Variants in CSMD1 observed in about 807,000 individuals in gnomAD.
CSMD1 encodes the protein CUB and sushi domain-containing protein 1.
Under a neutral mutation model 417.5 loss-of-function variants are expected in CSMD1, and 213 were observed. The ratio of observed to expected loss-of-function variants is 0.51; its 90% CI spans 0.46 to 0.57. CSMD1 has a LOEUF of 0.57. CSMD1 is among the 20% of genes least tolerant of loss of function. The probability of loss-of-function intolerance (pLI) is 0.00; values close to 1 mark genes in which losing one functional copy is unlikely to be tolerated. For missense variants in CSMD1, 6,923 were observed against 4,529.7 expected (o/e 1.53, Z -15.17); for synonymous variants, 2,862 against 1,736.8 (o/e 1.65, Z -16.11).
chr8:4,159,319 G>C (rs1274089360), intron 3 of CSMD1, among the ~76,000 whole-genome samples: 2 of 152,138 alleles, frequency 1.3e-5, no homozygotes, highest in African/African-American at 2.4e-5. Context: ...CTAAATTAAT[G>C]TCCATTATTA....
At chr8:4,596,991 C>G (rs987939055) in intron 2 of CSMD1, among the ~76,000 whole-genome samples, 2 of 152,174 alleles carry the variant, frequency 1.3e-5, no homozygotes, top group Admixed American at 1.3e-4. Flanking sequence ...TCTTTCCTCC[C>G]GCCATGATTC....
intron 5 of CSMD1, among the ~76,000 whole-genome samples, chr8:3,848,928 A>G (rs1426427852): frequency 6.7e-6 from 1 of 150,352 alleles, no homozygotes; most frequent in Non-Finnish European, 1.5e-5. Flanking sequence ...TACATATATC[A>G]TATATATATG....
chr8:3,487,662 A>T (rs949226152), intron 11 of CSMD1, among the ~76,000 whole-genome samples: 3 of 152,224 alleles, frequency 2.0e-5, no homozygotes, highest in African/African-American at 7.2e-5. Flanking sequence ...GAATTGCCAG[A>T]TAGAATTTTC....
intron 1 of CSMD1, among the ~76,000 whole-genome samples, chr8:4,811,185 C>G (rs1269976971): frequency 6.6e-6 from 1 of 152,168 alleles, no homozygotes; most frequent in Non-Finnish European, 1.5e-5. Context: ...TCATTAATTT[C>G]TCCTCATTTC....
Position 3,753,989 on chromosome 8 carries a change from C to A in CSMD1, c.872G>T (p.Arg291Leu), listed in dbSNP as rs759095950. 110 of 1,612,438 alleles carry A rather than the reference C, an allele frequency of 6.8e-5. No homozygotes were observed. Among genetic ancestry groups the A allele is most frequent in the Admixed American group, 1.8e-4 (11 of 59,886 alleles). ...GTTGCTGTCAGAGGTGAAATGGAGT[C>A]GTAGCCAATTCTTGCTACTGATAAC... Reference protein sequence around the residue: ...SPVISSKNWLRLHFTSDSNHR... With the variant: ...SPVISSKNWLLLHFTSDSNHR... Residue 291 changes from arginine to leucine, a missense_variant, in exon 6 of 70, where the codon CGA becomes CTA. Transcript: ENST00000635120.
intron 41 of CSMD1, among the ~76,000 whole-genome samples, chr8:3,142,096 C>T (rs965552653): frequency 1.3e-5 from 2 of 152,156 alleles, no homozygotes; most frequent in African/African-American, 2.4e-5. Flanking sequence ...CGCGCCCGGC[C>T]GCCAAATTAT....
At chr8:4,241,951 G>C (rs757237474) in intron 3 of CSMD1, among the ~76,000 whole-genome samples, 1 of 152,170 alleles carries the variant, frequency 6.6e-6, no homozygotes, top group Non-Finnish European at 1.5e-5. Flanking sequence ...ACCAGATTCA[G>C]TATAAGTTTT....
intron 3 of CSMD1, among the ~76,000 whole-genome samples, chr8:4,172,178 T>C (rs13270771): frequency 0.32 from 48,081 of 152,000 alleles, 9,459 homozygotes; most frequent in Non-Finnish European, 0.42. Flanking sequence ...TTGTGCCTTT[T>C]AATGAGAAAA....
At chr8:4,634,914 T>C (rs1802733859) in intron 2 of CSMD1, among the ~76,000 whole-genome samples, 2 of 152,160 alleles carry the variant, frequency 1.3e-5, no homozygotes, top group South Asian at 4.1e-4. Context: ...GTTTTTCCGA[T>C]TTGTATTACA....
At chr8:3,311,711 G>C (rs1207545267) in intron 23 of CSMD1, among the ~76,000 whole-genome samples, 10 of 152,146 alleles carry the variant, frequency 6.6e-5, no homozygotes, top group African/African-American at 2.4e-4. Context: ...AAAATTGTAA[G>C]TGAACCATCA....
chr8:4,209,026 T>C (rs893475478), intron 3 of CSMD1, among the ~76,000 whole-genome samples: 10 of 152,164 alleles, frequency 6.6e-5, no homozygotes, highest in Non-Finnish European at 1.0e-4. Context: ...ATGAATCCAA[T>C]TGTATTCTCT....
At chr8:3,853,422 T>C (rs1017668624) in intron 5 of CSMD1, among the ~76,000 whole-genome samples, 3 of 152,206 alleles carry the variant, frequency 2.0e-5, no homozygotes, top group African/African-American at 7.2e-5. Context: ...TTTAAAAATG[T>C]ATTTTCTTAT....
At chr8:4,845,941 C>T (rs1006911800) in intron 1 of CSMD1, among the ~76,000 whole-genome samples, 2 of 152,208 alleles carry the variant, frequency 1.3e-5, no homozygotes, top group Non-Finnish European at 2.9e-5. Context: ...GCCTATTTTG[C>T]ATACACTTAC....
chr8:4,531,312 T>A (rs985625450), intron 2 of CSMD1, among the ~76,000 whole-genome samples: 2 of 152,200 alleles, frequency 1.3e-5, no homozygotes, highest in Non-Finnish European at 2.9e-5. Context: ...TGCCGTGGAA[T>A]GTATTCAGGT....
Position 3,556,546 on chromosome 8 carries a change from A to C in CSMD1, c.1344+18399T>G, listed in dbSNP as rs1401296459. ...CACACACACACACACACACACACAC[A>C]CACACCCTCTCTCTCTTTCAGAAAT... On this transcript the variant is annotated intron_variant, in intron 10 of 69. Coordinates refer to ENST00000635120, the MANE Select transcript of CSMD1 (RefSeq NM_033225.6). Among the ~76,000 whole-genome samples, 10 of 55,576 alleles carry C rather than the reference A, an allele frequency of 1.8e-4. 1 individual carries two copies. The highest frequency in any genetic ancestry group is 5.9e-4 in the African/African-American group (9 of 15,372). 36.5% of individuals were successfully genotyped at this position (55,576 alleles called of 152,430 possible).
At chr8:4,975,418 G>C (rs1215018807) in intron 1 of CSMD1, among the ~76,000 whole-genome samples, 1 of 152,122 alleles carries the variant, frequency 6.6e-6, no homozygotes, top group Non-Finnish European at 1.5e-5. Flanking sequence ...ATTGAATGTG[G>C]GCTACTTTGC....
In CSMD1 at chr8:3,097,037, G is replaced by C. The variant is rs1308406741; in HGVS notation, c.6950C>G (p.Ala2317Gly). 6.5e-7 allele frequency: 1 copy of C among 1,527,528 alleles called. No homozygotes were observed. The highest frequency in any genetic ancestry group is 8.8e-7 in the Non-Finnish European group (1 of 1,135,866). The allele number at this position is 1,527,528 out of a possible 1,614,324, so 94.6% of individuals were successfully genotyped here. Reference protein sequence around the residue: ...QFEGSLPTCEAQCPANEVRTG... With the variant: ...QFEGSLPTCEGQCPANEVRTG... ...CCGGACTTCATTTGCTGGGCATTGT[G>C]CTGGAGAGAAAAGTACCAGCAAAAG... Residue 2317 changes from alanine to glycine, a missense_variant and splice_region_variant, in exon 47 of 70, where the codon GCA (alanine) becomes GGA (glycine). Coordinates refer to ENST00000635120, the MANE Select transcript of CSMD1 (RefSeq NM_033225.6).
intron 12 of CSMD1, among the ~76,000 whole-genome samples, chr8:3,429,177 A>G (rs1227349632): frequency 6.6e-6 from 1 of 152,172 alleles, no homozygotes; most frequent in Admixed American, 6.5e-5. Context: ...TAGCTAGAAG[A>G]GAGGATTTTC....
intron 1 of CSMD1, among the ~76,000 whole-genome samples, chr8:4,696,557 C>T (rs1161519950): frequency 1.3e-5 from 2 of 152,160 alleles, no homozygotes; most frequent in Non-Finnish European, 2.9e-5. Context: ...TTTGGGGAGG[C>T]TACAGAATGA....
Sources: gnomAD v4.1 joint callset for allele counts (sites outside exome capture counted in the v4.1 genomes callset) on GRCh38, gnomAD v4.1.1 for gene constraint, MANE v1.5 for transcripts, NCBI Gene and HGNC (gene_info 2026-07-23, HGNC 2026-07-21) for gene names.